Variants in SLCO4A1 observed in about 807,000 individuals in gnomAD.
The protein encoded by SLCO4A1 is colon organic anion transporter.
SLCO4A1 carries 51 observed loss-of-function variants against 64.6 expected under a neutral mutation model. The observed-to-expected ratio is 0.79, with a 90% CI of 0.63 to 1.00. SLCO4A1 has a LOEUF of 1.00. Among genes scored for constraint, SLCO4A1 ranks in the 50% least tolerant of loss-of-function variants. The pLI, the probability that SLCO4A1 is intolerant of heterozygous loss-of-function variation, is 0.00. For missense variants in SLCO4A1, 919 were observed against 980.5 expected (o/e 0.94, Z 0.84); for synonymous variants, 471 against 444.9 (o/e 1.06, Z -0.74).
Position 62,681,567 on chromosome 20 carries a change from C to CGT in SLCO4A1, n.212-3861_212-3860dup, listed in dbSNP as rs371964720. 6.1e-3 allele frequency among the ~76,000 whole-genome samples: 920 copies of CGT among 151,536 alleles called. 19 individuals carry two copies. Among genetic ancestry groups the CGT allele is most frequent in the African/African-American group, 0.021 (884 of 41,242 alleles). ...GTGTATTAAACCGTGTGTACACACT[C>CGT]GTGTGTGTGTGTGTTAATCCGTGTG... On this transcript the variant is annotated intron_variant and non_coding_transcript_variant, in intron 2 of 2. Transcript: ENST00000466818.
chr20:62,652,123 C>T (rs900878655), intron 1 of SLCO4A1: 3 of 151,046 alleles, frequency 2.0e-5, no homozygotes, highest in Admixed American at 6.6e-5. Flanking sequence ...AGCACTCTCC[C>T]GCCTGCGTCA....
chr20:62,689,613 G>T (rs1246860711), downstream of SLCO4A1, among the ~76,000 whole-genome samples: 1 of 152,184 alleles, frequency 6.6e-6, no homozygotes, highest in African/African-American at 2.4e-5. Flanking sequence ...CACCTGAGCA[G>T]CTGTCTCCAC....
rs1406671813 is a variant in SLCO4A1, at chr20:62,672,116, C to T, written c.*223C>T. On this transcript the variant is annotated 3_prime_UTR_variant, in exon 12 of 12. Transcript: ENST00000217159. ...TATATATTTATGGACACACAGTTTGCATCAGAACGTGTTTATAGAATGTGT... is the reference window on the plus strand; with the variant it reads ...TATATATTTATGGACACACAGTTTGTATCAGAACGTGTTTATAGAATGTGT... 1.4e-6 allele frequency: 2 copies of T among 1,428,390 alleles called. No homozygotes were observed. Among genetic ancestry groups the T allele is most frequent in the Non-Finnish European group, 1.8e-6 (2 of 1,089,670 alleles). The allele number at this position is 1,428,390 out of a possible 1,614,324, so 88.5% of individuals were successfully genotyped here. A position where few individuals can be genotyped will look rare whatever the true frequency, so the allele number is the denominator to read the frequency against.
chr20:62,677,881 G>A (rs993808041), intron 2 of SLCO4A1, among the ~76,000 whole-genome samples: 1 of 152,264 alleles, frequency 6.6e-6, no homozygotes, highest in African/African-American at 2.4e-5. Context: ...TGGGGGTGCC[G>A]TCTTGGGTGC....
downstream of SLCO4A1, chr20:62,685,923 G>T (rs1988044602): frequency 6.6e-6 from 1 of 152,206 alleles, no homozygotes; most frequent in African/African-American, 2.4e-5. The surrounding 1 kb of genome is among the most constrained non-coding windows in gnomAD (Gnocchi z 4.6). Flanking sequence ...CACAGCCTCG[G>T]TGTGGATCCA....
In SLCO4A1 at chr20:62,668,084, A is replaced by C. The variant is rs1056478226; in HGVS notation, c.1711A>C (p.Thr571Pro). The change falls in exon 9 of 12, where the codon ACT (threonine) becomes CCT (proline). Residue 571 changes from threonine to proline, a missense_variant. Thr to Pro is a conservative substitution (Grantham distance 38, BLOSUM62 -1). Coordinates refer to ENST00000217159, the MANE Select transcript of SLCO4A1 (RefSeq NM_016354.4). ...TGGCCATGCCACTGCAGGGAAATGCACTTCAACTTGTCAGAGAAAGCCCCT... is the reference window on the plus strand; with the variant it reads ...TGGCCATGCCACTGCAGGGAAATGCCCTTCAACTTGTCAGAGAAAGCCCCT... ...GFGHATAGKC[T>P]STCQRKPLLL... 4 of 1,613,848 alleles carry C rather than the reference A, an allele frequency of 2.5e-6. No individual in the cohort carries two copies. The African/African-American group carries it at 5.3e-5, about 22-fold the overall frequency.
chr20:62,656,887 A>C lies in SLCO4A1; in HGVS notation c.433A>C (p.Ile145Leu), dbSNP rs1308407851. 6.3e-7 allele frequency: 1 copy of C among 1,580,722 alleles called. No individual in the cohort carries two copies. The highest frequency in any genetic ancestry group is 8.6e-7 in the Non-Finnish European group (1 of 1,157,656). Residue 145 changes from isoleucine (I) to leucine (L), a missense_variant, in exon 2 of 12, where the codon ATC (isoleucine) becomes CTC (leucine). Physicochemically the swap from Ile to Leu is conservative, Grantham distance 5 (BLOSUM62 2). Coordinates refer to ENST00000217159, the MANE Select transcript of SLCO4A1 (RefSeq NM_016354.4). ...CCTGCACAGCTACCAGAGCGGGCTC[A>C]TCGCCAGCTCCTACGACATTGCCGC... ...YDLHSYQSGL[I>L]ASSYDIAACL...
chr20:62,664,717 G>A (rs1985751714), intron 5 of SLCO4A1, among the ~76,000 whole-genome samples: 1 of 152,218 alleles, frequency 6.6e-6, no homozygotes, highest in African/African-American at 2.4e-5. Flanking sequence ...TCTACTCCCT[G>A]TCGGAACAGG....
chr20:62,667,963 G>T, intron 8 of SLCO4A1, 49 bp from the exon 9 acceptor site: 1 of 1,613,842 alleles, frequency 6.2e-7, no homozygotes, highest in Non-Finnish European at 8.5e-7. Flanking sequence ...CCTGGGAAGG[G>T]GCCCCCGTGC....
intron 11 of SLCO4A1, chr20:62,670,178 CTG>C (rs1987020545): frequency 6.6e-6 from 1 of 152,212 alleles, no homozygotes; most frequent in Non-Finnish European, 1.5e-5. Context: ...CCCAAGCCCT[CTG>C]TGATACGCCT....
At chr20:62,667,612 G>GC in intron 7 of SLCO4A1, 133 bp from the exon 8 acceptor site, 1 of 1,072,904 alleles carries the variant, frequency 9.3e-7, no homozygotes, top group African/African-American at 1.6e-5. Flanking sequence ...GCTGGGGGCG[G>GC]TGCAAGCTTG....
chr20:62,662,950 C>T (rs952829263), intron 5 of SLCO4A1: 35 of 152,358 alleles, frequency 2.3e-4, no homozygotes, highest in African/African-American at 7.9e-4. Flanking sequence ...TGTCCTCCAT[C>T]GTCTTGCCTT....
At chr20:62,650,055 G>T (rs1249316019) in intron 1 of SLCO4A1, 1 of 152,234 alleles carries the variant, frequency 6.6e-6, no homozygotes, top group Admixed American at 6.5e-5. Context: ...TTTTCCGGGG[G>T]AAGCTGAGGG....
chr20:62,669,274 C>A (rs753253811), intron 11 of SLCO4A1, among the ~76,000 whole-genome samples, 196 bp downstream of exon 11: 2 of 152,238 alleles, frequency 1.3e-5, no homozygotes, highest in Non-Finnish European at 2.9e-5. Context: ...AGGGCCTCCT[C>A]CTGGGGTTCA....
At chr20:62,658,025 C>T (rs1362314153) in intron 2 of SLCO4A1, among the ~76,000 whole-genome samples, 5 of 152,098 alleles carry the variant, frequency 3.3e-5, no homozygotes, top group Non-Finnish European at 5.9e-5. Flanking sequence ...CCGACATGGC[C>T]GAGTTGACCC....
chr20:62,682,649 CCACA>C (rs10552847), intron 2 of SLCO4A1, among the ~76,000 whole-genome samples: 52,995 of 150,536 alleles, frequency 0.35, 9,524 homozygotes, highest in Admixed American at 0.47. Context: ...GACCATGTGA[CCACA>C]CACACACACA....
At chr20:62,648,936 A>G (rs1981923003) in intron 1 of SLCO4A1, 1 of 152,302 alleles carries the variant, frequency 6.6e-6, no homozygotes, top group Admixed American at 6.5e-5. Context: ...CCCACATAGC[A>G]GGCGTTAGGA....
intron 2 of SLCO4A1, among the ~76,000 whole-genome samples, chr20:62,677,323 A>G (rs985101462): frequency 5.3e-5 from 8 of 152,354 alleles, no homozygotes; most frequent in African/African-American, 1.9e-4. Context: ...TATTAAATAC[A>G]TCCATCCATG....
downstream of SLCO4A1, among the ~76,000 whole-genome samples, chr20:62,673,207 G>A (rs1987405504): frequency 7.0e-6 from 1 of 142,584 alleles, no homozygotes; most frequent in Non-Finnish European, 1.6e-5. Context: ...ATGGGGAGCA[G>A]GGGGTGCAGG....
Sources: gnomAD v4.1 joint callset for allele counts (sites outside exome capture counted in the v4.1 genomes callset) on GRCh38, gnomAD v4.1.1 for gene constraint, Gnocchi (gnomAD v3.1) non-coding constraint, MANE v1.5 for transcripts, NCBI Gene and HGNC (gene_info 2026-07-23, HGNC 2026-07-21) for gene names.